HS3ST4: variants seen among roughly 807,000 people sequenced by gnomAD.
The protein encoded by HS3ST4 is heparan sulfate-glucosamine 3-sulfotransferase 4, also known as heparan sulfate glucosamine 3-O-sulfotransferase 4.
HS3ST4 carries 17 observed loss-of-function variants against 29.2 expected under a neutral mutation model. The ratio of observed to expected loss-of-function variants is 0.58; its 90% CI spans 0.40 to 0.87. HS3ST4 has a LOEUF of 0.87. HS3ST4 is among the 40% of genes least tolerant of loss of function. The probability of loss-of-function intolerance (pLI) is 0.00; values close to 1 mark genes in which losing one functional copy is unlikely to be tolerated. For missense variants in HS3ST4, 627 were observed against 634.5 expected (o/e 0.99, Z 0.13); for synonymous variants, 314 against 285.7 (o/e 1.10, Z -1.00).
chr16:26,064,185 A>G (rs1898514799), intron 1 of HS3ST4, among the ~76,000 whole-genome samples: 2 of 152,312 alleles, frequency 1.3e-5, no homozygotes, highest in Admixed American at 1.3e-4. Flanking sequence ...TCTCTCTCCA[A>G]TAGATGTCAT....
intron 1 of HS3ST4, among the ~76,000 whole-genome samples, chr16:25,701,641 A>G (rs1360878985): frequency 1.3e-5 from 2 of 152,184 alleles, no homozygotes; most frequent in Non-Finnish European, 2.9e-5. Context: ...TTATTTAGTT[A>G]TTAATTCTGT....
chr16:25,820,921 C>G (rs1294083370), intron 1 of HS3ST4, among the ~76,000 whole-genome samples: 2 of 152,032 alleles, frequency 1.3e-5, no homozygotes, highest in African/African-American at 2.4e-5. Context: ...TCCTTAGGAC[C>G]AAGTCGAATA....
intron 1 of HS3ST4, among the ~76,000 whole-genome samples, chr16:26,099,455 C>A (rs968768322): frequency 6.6e-6 from 1 of 152,160 alleles, no homozygotes; most frequent in Admixed American, 6.5e-5. Context: ...CATACCTGGC[C>A]AGAGCTGAAA....
chr16:25,695,570 A>G (rs958187672), intron 1 of HS3ST4, among the ~76,000 whole-genome samples: 3 of 152,188 alleles, frequency 2.0e-5, no homozygotes, highest in Non-Finnish European at 4.4e-5. Flanking sequence ...GAGGGGCAGC[A>G]TTCTCACTGT....
chr16:26,065,848 A>G (rs1567305056), intron 1 of HS3ST4, among the ~76,000 whole-genome samples: 1 of 152,232 alleles, frequency 6.6e-6, no homozygotes, highest in African/African-American at 2.4e-5. Flanking sequence ...ACTACTGACA[A>G]TCTAGATGGA....
At chr16:25,838,004 A>C (rs1474612453) in intron 1 of HS3ST4, among the ~76,000 whole-genome samples, 1 of 152,126 alleles carries the variant, frequency 6.6e-6, no homozygotes, top group Non-Finnish European at 1.5e-5. Flanking sequence ...TTCCCAGTGA[A>C]TAACCACTTT....
At chr16:25,840,986 A>G (rs200613243) in intron 1 of HS3ST4, among the ~76,000 whole-genome samples, 5 of 117,684 alleles carry the variant, frequency 4.2e-5, no homozygotes, top group South Asian at 3.1e-4. Context: ...TTATTTATTT[A>G]TTTATTTATT....
At chr16:25,728,455 G>A (rs1301075369) in intron 1 of HS3ST4, among the ~76,000 whole-genome samples, 5 of 152,218 alleles carry the variant, frequency 3.3e-5, no homozygotes, top group African/African-American at 1.2e-4. Context: ...CCATATCGCT[G>A]TTGATTGGAT....
intron 1 of HS3ST4, among the ~76,000 whole-genome samples, chr16:25,713,712 C>T (rs1379290646): frequency 6.6e-6 from 1 of 152,170 alleles, no homozygotes; most frequent in East Asian, 1.9e-4. Flanking sequence ...CAAACACTCA[C>T]CAAAGATCAC....
At chr16:25,707,796 G>C (rs1185628217) in intron 1 of HS3ST4, among the ~76,000 whole-genome samples, 2 of 152,190 alleles carry the variant, frequency 1.3e-5, no homozygotes, top group Admixed American at 1.3e-4. Context: ...TGCACTTGCT[G>C]CTTCCACCAC....
chr16:26,073,355 A>ATCTTT (rs72461132), intron 1 of HS3ST4, among the ~76,000 whole-genome samples: 976 of 80,202 alleles, frequency 0.012, 8 homozygotes, highest in East Asian at 0.02. Context: ...AAGAGTTCAG[A>ATCTTT]TCTTTTCTTT....
chr16:25,844,821 A>G (rs1266321336), intron 1 of HS3ST4, among the ~76,000 whole-genome samples: 2 of 152,234 alleles, frequency 1.3e-5, no homozygotes, highest in Admixed American at 1.3e-4. Context: ...TCAATGATAA[A>G]CTGGATAAAG....
At chr16:25,752,296 A>G (rs1181246398) in intron 1 of HS3ST4, among the ~76,000 whole-genome samples, 1 of 152,196 alleles carries the variant, frequency 6.6e-6, no homozygotes, top group Non-Finnish European at 1.5e-5. Context: ...AGTATTAATA[A>G]CATGAAGACA....
In HS3ST4 at chr16:26,086,495, G is replaced by A. The variant is rs541299809; in HGVS notation, c.735-49117G>A. 1.1e-4 allele frequency among the ~76,000 whole-genome samples: 17 copies of A among 151,992 alleles called. No homozygotes were observed. The East Asian group carries it at 1.6e-3, about 14-fold the overall frequency. ...CTCCCGAGTAGCTGGGACTACAGTC[G>A]CCTGCCACCATGCCCAGCTAATTTT... On this transcript the variant is annotated intron_variant, in intron 1 of 1. Transcript: ENST00000331351.
chr16:25,965,044 A>G (rs564272118), intron 1 of HS3ST4, among the ~76,000 whole-genome samples: 19 of 152,306 alleles, frequency 1.2e-4, no homozygotes, highest in African/African-American at 4.3e-4. Context: ...AAAGGCATTC[A>G]CATGTTCACG....
intron 1 of HS3ST4, among the ~76,000 whole-genome samples, chr16:25,828,238 C>CTTTCTT (rs1567249278): frequency 1.2e-5 from 1 of 86,944 alleles, no homozygotes; most frequent in African/African-American, 5.0e-5. Flanking sequence ...TTCTTTCTTT[C>CTTTCTT]TTTCTCTTTC....
chr16:25,966,386 C>A (rs183020258), intron 1 of HS3ST4, among the ~76,000 whole-genome samples: 60 of 152,276 alleles, frequency 3.9e-4, no homozygotes, highest in African/African-American at 1.4e-3. Context: ...TACTCTGACT[C>A]CTGGTACAGC....
At chr16:25,862,513 C>A (rs115283034) in intron 1 of HS3ST4, among the ~76,000 whole-genome samples, 11 of 152,152 alleles carry the variant, frequency 7.2e-5, no homozygotes, top group Admixed American at 1.3e-4. Context: ...AATGTAATGC[C>A]GATGCTGATA....
chr16:25,937,080 C>A (rs529527971), intron 1 of HS3ST4, among the ~76,000 whole-genome samples: 4 of 152,052 alleles, frequency 2.6e-5, no homozygotes, highest in South Asian at 4.2e-4. Context: ...TATCTTTTGG[C>A]CACTCAAGTT....
Sources: gnomAD v4.1 joint callset for allele counts (sites outside exome capture counted in the v4.1 genomes callset) on GRCh38, gnomAD v4.1.1 for gene constraint, MANE v1.5 for transcripts, NCBI Gene and HGNC (gene_info 2026-07-23, HGNC 2026-07-21) for gene names.